Variants in CTNNA3 observed in about 807,000 individuals in gnomAD.
CTNNA3 encodes catenin alpha-3.
In CTNNA3, 76 loss-of-function variants were observed where a neutral mutation model predicts 95.7. The observed-to-expected ratio is 0.79, with a 90% CI of 0.66 to 0.96. CTNNA3 has a LOEUF of 0.96. Ranked by LOEUF, CTNNA3 falls within the 40% of genes least tolerant of loss-of-function variation. The pLI, the probability that CTNNA3 is intolerant of heterozygous loss-of-function variation, is 0.00. For missense variants in CTNNA3, 1,191 were observed against 1,089.8 expected (o/e 1.09, Z -1.31); for synonymous variants, 431 against 374.4 (o/e 1.15, Z -1.74).
At position 66,806,146 on chromosome 10, in the gene CTNNA3, TAAA is replaced by T. The variant is rs573831698; in HGVS notation, c.1048-30625_1048-30623del. On this transcript the variant is annotated intron_variant, in intron 7 of 17. Transcript: ENST00000433211. ...TGATTATAAGAGTGCTTTAGGGAAA[TAAA>T]GAAGCAAAAGAGAGAAGGGAAATTT... Among the ~76,000 whole-genome samples the T allele has an allele frequency of 1.7e-3, 264 of 151,776 alleles. 1 individual carries two copies. The highest frequency in any genetic ancestry group is 5.7e-3 in the African/African-American group (234 of 41,396).
At chr10:67,105,877 A>G (rs922994569) in intron 7 of CTNNA3, among the ~76,000 whole-genome samples, 1 of 152,192 alleles carries the variant, frequency 6.6e-6, no homozygotes, top group Non-Finnish European at 1.5e-5. Context: ...ATCTGGAGAA[A>G]AGACTGAGAT....
intron 1 of CTNNA3, among the ~76,000 whole-genome samples, chr10:67,702,245 G>T (rs1198397435): frequency 6.6e-6 from 1 of 151,966 alleles, no homozygotes; most frequent in Non-Finnish European, 1.5e-5. Context: ...AGGATACCCA[G>T]GAATTGAACT....
At chr10:67,750,365 G>C in intron 1 of CTNNA3, 2 of 1,502,564 alleles carry the variant, frequency 1.3e-6, no homozygotes, top group South Asian at 1.1e-5. Context: ...TCTCGGCAAA[G>C]TGAAAGAAGT....
rs748363823 is a variant in CTNNA3 at position 67,539,709 on chromosome 10, CA to C, written c.293-41del. 26 of 1,569,596 alleles carry C rather than the reference CA, an allele frequency of 1.7e-5. 1 individual carries two copies. In the Admixed American group the frequency reaches 4.3e-4, roughly 26 times the overall value. ...CCCATATAAGTTATACTTTAAGTTT[CA>C]ACTATGCCTATTTCAGGATTTATCA... On this transcript the variant is annotated intron_variant, in intron 3 of 17. Transcript: ENST00000433211.
chr10:67,566,178 A>C (rs1841789964), intron 3 of CTNNA3, among the ~76,000 whole-genome samples: 1 of 138,496 alleles, frequency 7.2e-6, no homozygotes, highest in South Asian at 2.6e-4. Context: ...AATGGGATCT[A>C]ATTAAACTAA....
chr10:67,672,573 C>T lies in CTNNA3; in HGVS notation c.-6+23427G>A, dbSNP rs181297329. Among the ~76,000 whole-genome samples, 62 of 152,244 alleles carry T rather than the reference C, an allele frequency of 4.1e-4. No individual in the cohort carries two copies. In the East Asian group the frequency reaches 6.4e-3, roughly 16 times the overall value. ...GAAGGGATCCAGTTTCAGCTTTCTA[C>T]GTAGGGCTAGCCAGTTTTCCCAGCA... On this transcript the variant is annotated intron_variant, in intron 1 of 17. Coordinates refer to ENST00000433211, the MANE Select transcript of CTNNA3 (RefSeq NM_013266.4).
intron 5 of CTNNA3, among the ~76,000 whole-genome samples, chr10:67,285,582 G>A (rs2132453466): frequency 6.6e-6 from 1 of 152,250 alleles, no homozygotes; most frequent in East Asian, 1.9e-4. Flanking sequence ...TCCAGAGGAG[G>A]CAGTCTAAAG....
At chr10:66,663,635 C>A (rs1436791000) in intron 9 of CTNNA3, among the ~76,000 whole-genome samples, 2 of 152,076 alleles carry the variant, frequency 1.3e-5, no homozygotes, top group Admixed American at 1.3e-4. Context: ...AAACTAACTT[C>A]TAAGAAGACT....
chr10:67,132,586 T>G (rs539464920), intron 7 of CTNNA3, among the ~76,000 whole-genome samples: 5 of 152,164 alleles, frequency 3.3e-5, no homozygotes, highest in Admixed American at 3.3e-4. Context: ...GGGTTACGAA[T>G]TGAGGTGGTT....
chr10:66,242,751 G>A (rs935821194), intron 13 of CTNNA3, among the ~76,000 whole-genome samples: 2 of 152,052 alleles, frequency 1.3e-5, no homozygotes, highest in Admixed American at 1.3e-4. Context: ...CCTCACCCTG[G>A]CAATTCATTA....
At chr10:66,400,688 T>C (rs2093013538) in intron 11 of CTNNA3, among the ~76,000 whole-genome samples, 1 of 152,144 alleles carries the variant, frequency 6.6e-6, no homozygotes. Context: ...TAAACTTGTC[T>C]CATCAAGAAA....
intron 5 of CTNNA3, among the ~76,000 whole-genome samples, chr10:67,437,954 A>T (rs1846361364): frequency 6.6e-6 from 1 of 151,988 alleles, no homozygotes; most frequent in African/African-American, 2.4e-5. Context: ...AAAATGGTAG[A>T]ATTTTGGTAT....
intron 15 of CTNNA3, among the ~76,000 whole-genome samples, chr10:66,018,573 T>A (rs1196130776): frequency 1.3e-5 from 2 of 152,122 alleles, no homozygotes; most frequent in Non-Finnish European, 2.9e-5. Flanking sequence ...CAATATTACT[T>A]ACTTATTACA....
chr10:67,446,379 A>T (rs945739345), intron 5 of CTNNA3, among the ~76,000 whole-genome samples: 8 of 151,934 alleles, frequency 5.3e-5, no homozygotes, highest in Non-Finnish European at 5.9e-5. Flanking sequence ...TCCTTCTAAA[A>T]CCCCAAAGGA....
intron 3 of CTNNA3, 36 bp from the exon 4 acceptor site, chr10:67,539,705 G>A (rs1840610213): frequency 6.3e-7 from 1 of 1,581,608 alleles, no homozygotes; most frequent in African/African-American, 1.3e-5. Context: ...TATACTTTAA[G>A]TTTCAACTAT....
At chr10:66,586,183 G>T (rs913470404) in intron 10 of CTNNA3, among the ~76,000 whole-genome samples, 5 of 152,112 alleles carry the variant, frequency 3.3e-5, no homozygotes, top group Non-Finnish European at 5.9e-5. Context: ...CCAGTGGTGT[G>T]CACCTTTAAA....
chr10:67,177,822 T>C (rs1246728878), intron 7 of CTNNA3, among the ~76,000 whole-genome samples: 1 of 152,170 alleles, frequency 6.6e-6, no homozygotes, highest in Admixed American at 6.6e-5. Context: ...TAATTACACT[T>C]AATTACAATA....
At chr10:67,714,530 C>T (rs1459614771) in intron 1 of CTNNA3, among the ~76,000 whole-genome samples, 1 of 152,184 alleles carries the variant, frequency 6.6e-6, no homozygotes, top group Admixed American at 6.5e-5. Context: ...AACTAACTTG[C>T]TTTTGATTTT....
rs117574556 is a variant in CTNNA3, at chr10:65,918,076, C to G, written c.*2254G>C. The stretch of plus-strand genomic sequence containing the variant: ...GTTTGCTTTGAGCTAAGCTGAAAAT[C>G]TGCCTGGGTTAAAGAGGAGAACTTG... On this transcript the variant is annotated 3_prime_UTR_variant, in exon 18 of 18. Transcript: ENST00000433211. The G allele has an allele frequency of 1.3e-5, 2 of 152,196 alleles. No individual in the cohort carries two copies. The highest frequency in any genetic ancestry group is 3.9e-4 in the East Asian group (2 of 5,172). 9.4% of individuals were successfully genotyped at this position (152,196 alleles called of 1,614,324 possible).
Sources: gnomAD v4.1 joint callset for allele counts (sites outside exome capture counted in the v4.1 genomes callset) on GRCh38, gnomAD v4.1.1 for gene constraint, MANE v1.5 for transcripts, NCBI Gene and HGNC (gene_info 2026-07-23, HGNC 2026-07-21) for gene names.